SHQ1: variants seen among roughly 807,000 people sequenced by gnomAD.
SHQ1 encodes protein SHQ1 homolog.
In SHQ1, 49 loss-of-function variants were observed where a neutral mutation model predicts 53.8. The ratio of observed to expected loss-of-function variants is 0.91; its 90% CI spans 0.72 to 1.16. The LOEUF (loss-of-function observed/expected upper bound fraction) is 1.16. Ranked by LOEUF, SHQ1 falls within the 50% of genes most tolerant of loss-of-function variation. SHQ1 has a pLI of 0.00. For missense variants in SHQ1, 738 were observed against 683.1 expected, an observed-to-expected ratio of 1.08 and a Z score of -0.90; for synonymous variants, 243 against 251.0, an observed-to-expected ratio of 0.97 and a Z score of 0.30.
At chr3:72,835,802 T>C (rs575073110) in intron 4 of SHQ1, among the ~76,000 whole-genome samples, 10 of 152,322 alleles carry the variant, frequency 6.6e-5, no homozygotes, top group African/African-American at 9.6e-5. Context: ...CTTCTCATCA[T>C]TGAGAACTCA....
At chr3:72,756,763 A>T (rs192970402) in intron 10 of SHQ1, among the ~76,000 whole-genome samples, 5 of 152,374 alleles carry the variant, frequency 3.3e-5, no homozygotes, top group Admixed American at 2.0e-4. Context: ...AATGTAACTT[A>T]AAAAAGACCT....
intron 9 of SHQ1, among the ~76,000 whole-genome samples, chr3:72,804,332 G>A (rs1706874804): frequency 6.6e-6 from 1 of 152,004 alleles, no homozygotes; most frequent in African/African-American, 2.4e-5. Context: ...TGTCATGGTG[G>A]TTTACTGCAC....
intron 10 of SHQ1, among the ~76,000 whole-genome samples, chr3:72,755,330 G>T (rs1300584710): frequency 6.6e-6 from 1 of 152,032 alleles, no homozygotes; most frequent in Non-Finnish European, 1.5e-5. Flanking sequence ...TAGATAGACA[G>T]ATAAATTGAT....
At chr3:72,836,199 G>A (rs1466671612) in intron 4 of SHQ1, among the ~76,000 whole-genome samples, 1 of 152,212 alleles carries the variant, frequency 6.6e-6, no homozygotes, top group Non-Finnish European at 1.5e-5. Context: ...CAATAAGAAA[G>A]CAGCTCTTGG....
At chr3:72,768,751 G>C (rs1296306662) in intron 10 of SHQ1, among the ~76,000 whole-genome samples, 1 of 152,190 alleles carries the variant, frequency 6.6e-6, no homozygotes, top group East Asian at 1.9e-4. Flanking sequence ...TTTATAAGCA[G>C]CCTATTTGCT....
chr3:72,826,641 T>A (rs1409697439), intron 5 of SHQ1, among the ~76,000 whole-genome samples: 4 of 152,028 alleles, frequency 2.6e-5, no homozygotes, highest in Non-Finnish European at 5.9e-5. Context: ...TAGGGCAAAA[T>A]AAATTAGAAT....
At chr3:72,764,367 A>G (rs981039768) in intron 10 of SHQ1, among the ~76,000 whole-genome samples, 2 of 152,166 alleles carry the variant, frequency 1.3e-5, no homozygotes, top group Non-Finnish European at 2.9e-5. Flanking sequence ...TGAAGTATTC[A>G]ACGACTGCCT....
chr3:72,804,813 C>A (rs987068694), intron 9 of SHQ1, among the ~76,000 whole-genome samples: 9 of 152,138 alleles, frequency 5.9e-5, no homozygotes, highest in Middle Eastern at 3.2e-3. Flanking sequence ...CATGATTATG[C>A]CATACTGTAC....
At chr3:72,732,759 C>T in the SHQ1 span, among the ~76,000 whole-genome samples, 1 of 151,374 alleles carries the variant, frequency 6.6e-6, no homozygotes, top group African/African-American at 2.4e-5. Flanking sequence ...TGAGCCTTCC[C>T]ATCCTCTTGA....
chr3:72,740,434 T>C, the SHQ1 span, among the ~76,000 whole-genome samples: 1 of 152,212 alleles, frequency 6.6e-6, no homozygotes, highest in Non-Finnish European at 1.5e-5. Context: ...AAACAGGAGA[T>C]AGGGCCTTTG....
Position 72,800,740 on chromosome 3 carries a change from A to C in SHQ1, c.1061-7704T>G, listed in dbSNP as rs575232884. ...GCTCAGTTAGCATGTACTAGTTATA[A>C]CATCTCTGTGGTCTACAGATTTAAA... On this transcript the variant is annotated intron_variant, in intron 9 of 10. Transcript: ENST00000325599. Among the ~76,000 whole-genome samples, 21 of 152,262 alleles carry C rather than the reference A, an allele frequency of 1.4e-4. No homozygotes were observed. In the South Asian group the frequency reaches 4.4e-3, roughly 32 times the overall value.
intron 1 of SHQ1, among the ~76,000 whole-genome samples, chr3:72,845,751 T>C (rs191645723): frequency 6.6e-6 from 1 of 152,252 alleles, no homozygotes; most frequent in South Asian, 2.1e-4. Flanking sequence ...CCTTGTTTCC[T>C]ACTAAATATG....
chr3:72,780,090 A>G (rs2106755607), intron 10 of SHQ1, among the ~76,000 whole-genome samples: 1 of 152,302 alleles, frequency 6.6e-6, no homozygotes, highest in African/African-American at 2.4e-5. Context: ...AAAATATTTA[A>G]TTTTTTAAAA....
chr3:72,832,573 G>A, intron 4 of SHQ1, 92 bp from the exon 5 acceptor site: 1 of 800,268 alleles, frequency 1.2e-6, no homozygotes, highest in Non-Finnish European at 2.0e-6. Flanking sequence ...AGCACAGGAA[G>A]AACCTAACTG....
At chr3:72,777,875 G>GA (rs1479058652) in intron 10 of SHQ1, among the ~76,000 whole-genome samples, 1 of 152,150 alleles carries the variant, frequency 6.6e-6, no homozygotes, top group African/African-American at 2.4e-5. Flanking sequence ...CTGCAGGACA[G>GA]AAAAGAACCA....
intron 9 of SHQ1, among the ~76,000 whole-genome samples, chr3:72,806,494 G>A (rs898710851): frequency 6.6e-6 from 1 of 152,028 alleles, no homozygotes; most frequent in African/African-American, 2.4e-5. Context: ...GAAAACACAA[G>A]GAATTACAAT....
At chr3:72,804,946 T>C (rs905038338) in intron 9 of SHQ1, among the ~76,000 whole-genome samples, 1 of 152,208 alleles carries the variant, frequency 6.6e-6, no homozygotes, top group Non-Finnish European at 1.5e-5. Context: ...AATGCGTCAT[T>C]AGGTAATTCT....
intron 4 of SHQ1, among the ~76,000 whole-genome samples, chr3:72,833,574 A>AGATAGATAGAATTT (rs1559696581): frequency 1.5e-5 from 2 of 135,110 alleles, no homozygotes; most frequent in African/African-American, 5.2e-5. Context: ...GATAGATAGA[A>AGATAGATAGAATTT]TTTTTACGGG....
At chr3:72,825,765 T>C (rs1438274088) in intron 5 of SHQ1, among the ~76,000 whole-genome samples, 3 of 152,248 alleles carry the variant, frequency 2.0e-5, no homozygotes, top group Non-Finnish European at 4.4e-5. Flanking sequence ...TTCTAACTGA[T>C]AGTTTTACAA....
Sources: allele counts gnomAD v4.1 joint callset (sites outside exome capture counted in the v4.1 genomes callset), GRCh38; gene constraint gnomAD v4.1.1; transcripts MANE v1.5; gene names NCBI Gene and HGNC (gene_info 2026-07-23, HGNC 2026-07-21).